The following NEXMIF variants were observed in gnomAD, a reference collection of about 807,000 sequenced individuals.
NEXMIF encodes XLMR protein related to neurite extension.
Under a neutral mutation model 62.1 loss-of-function variants are expected in NEXMIF, and 8 were observed. The ratio of observed to expected loss-of-function variants is 0.13; its 90% CI spans 0.08 to 0.23. The LOEUF (loss-of-function observed/expected upper bound fraction) is 0.23. NEXMIF is among the 10% of genes least tolerant of loss of function. NEXMIF has a pLI of 1.00. For missense variants in NEXMIF, 976 were observed against 1,113.3 expected (o/e 0.88, Z 1.75); for synonymous variants, 404 against 416.6 (o/e 0.97, Z 0.37).
chrX:74,788,543 G>T (rs2080267638), intron 1 of NEXMIF, among the ~76,000 whole-genome samples: 1 of 111,180 alleles, frequency 9.0e-6, no homozygotes, highest in Non-Finnish European at 1.9e-5. Flanking sequence ...TTAGAACCCA[G>T]GAATCAAGGT....
chrX:74,920,034 G>A (rs1295190692), intron 1 of NEXMIF, among the ~76,000 whole-genome samples: 12 of 111,749 alleles, frequency 1.1e-4, no homozygotes, highest in Non-Finnish European at 2.1e-4. Context: ...ATTGTTGGAC[G>A]TTTGGGTTGG....
chrX:74,764,999 A>G (rs189094258), intron 1 of NEXMIF, among the ~76,000 whole-genome samples: 2 of 111,494 alleles, frequency 1.8e-5, no homozygotes, highest in Admixed American at 1.9e-4. Flanking sequence ...TGCCTTGATG[A>G]TCTGTCTAAT....
intron 1 of NEXMIF, among the ~76,000 whole-genome samples, chrX:74,764,721 T>A (rs2080189455): frequency 8.9e-6 from 1 of 112,024 alleles, no homozygotes; most frequent in Non-Finnish European, 1.9e-5. Context: ...TCCATGCTAT[T>A]GCACTGTTTT....
At chrX:74,853,792 C>T in intron 1 of NEXMIF, among the ~76,000 whole-genome samples, 1 of 111,160 alleles carries the variant, frequency 9.0e-6, no homozygotes, top group Non-Finnish European at 1.9e-5. Context: ...TCATCAGAGC[C>T]TATTAAGAAC....
At chrX:74,747,243 G>A (rs1375344457) in intron 1 of NEXMIF, among the ~76,000 whole-genome samples, 1 of 111,529 alleles carries the variant, frequency 9.0e-6, no homozygotes, top group Non-Finnish European at 1.9e-5. Flanking sequence ...ATAATTTAAT[G>A]TCTTCTTATC....
At chrX:74,923,396 G>A (rs2080833380) in intron 1 of NEXMIF, among the ~76,000 whole-genome samples, 1 of 112,246 alleles carries the variant, frequency 8.9e-6, no homozygotes, top group Admixed American at 9.4e-5. Context: ...TATTTCACTG[G>A]GATAGAGTTT....
intron 1 of NEXMIF, among the ~76,000 whole-genome samples, chrX:74,886,974 A>G (rs926046385): frequency 9.0e-6 from 1 of 111,390 alleles, no homozygotes; most frequent in African/African-American, 3.3e-5. Context: ...GGAACAGAAC[A>G]GAGCCCTCAG....
intron 1 of NEXMIF, among the ~76,000 whole-genome samples, chrX:74,864,716 T>A (rs1259528926): frequency 9.0e-6 from 1 of 111,076 alleles, no homozygotes; most frequent in Non-Finnish European, 1.9e-5. Flanking sequence ...TATTTCTTTT[T>A]TTTTTTTCTG....
At chrX:74,806,834 T>C (rs771670408) in intron 1 of NEXMIF, among the ~76,000 whole-genome samples, 18 of 112,958 alleles carry the variant, frequency 1.6e-4, no homozygotes, top group Non-Finnish European at 2.6e-4. Context: ...ATCTTTTCCT[T>C]ATTGCATTGC....
chrX:74,804,247 A>T lies in NEXMIF; in HGVS notation c.-47-58550T>A, dbSNP rs534448805. Among the ~76,000 whole-genome samples, 151 of 112,509 alleles carry T rather than the reference A, an allele frequency of 1.3e-3. 1 individual carries two copies. The highest frequency in any genetic ancestry group is 9.2e-3 in the Middle Eastern group (2 of 217). ...GTTAACTTGTTATCAGCTTAAAATA[A>T]TGGGTTAAAAGATAGTATTTGCAAG... On this transcript the variant is annotated intron_variant, in intron 1 of 3. Transcript: ENST00000055682.
intron 1 of NEXMIF, among the ~76,000 whole-genome samples, chrX:74,782,703 G>A (rs976752905): frequency 8.9e-6 from 1 of 111,793 alleles, no homozygotes; most frequent in Non-Finnish European, 1.9e-5. Context: ...AATACCCTTC[G>A]CTCTGCATTT....
intron 1 of NEXMIF, among the ~76,000 whole-genome samples, chrX:74,923,229 C>T (rs2080832948): frequency 8.9e-6 from 1 of 111,884 alleles, no homozygotes; most frequent in South Asian, 3.8e-4. Context: ...AATACCACCA[C>T]CACACAGTAA....
chrX:74,915,137 C>G (rs1022730440), intron 1 of NEXMIF, among the ~76,000 whole-genome samples: 7 of 111,593 alleles, frequency 6.3e-5, no homozygotes, highest in African/African-American at 2.3e-4. Context: ...GGTGGATACA[C>G]AAATATACAT....
At chrX:74,864,119 A>T (rs977197936) in intron 1 of NEXMIF, among the ~76,000 whole-genome samples, 3 of 112,233 alleles carry the variant, frequency 2.7e-5, no homozygotes, top group African/African-American at 9.7e-5. Flanking sequence ...ACATCAATAT[A>T]ATAAGAGCAA....
At chrX:74,903,929 G>T (rs1252179608) in intron 1 of NEXMIF, among the ~76,000 whole-genome samples, 1 of 108,716 alleles carries the variant, frequency 9.2e-6, no homozygotes, top group African/African-American at 3.4e-5. Context: ...GTGAAGTGGT[G>T]TGGCTTTGTT....
In NEXMIF at chrX:74,877,811, G is replaced by A. The variant is rs186453433; in HGVS notation, c.-48+47072C>T. ...CTCCTGAGGCTTCTGCATTCTTCACGTAGTTCTCGAGCCTTGGTTTTCAGC... is the reference window on the plus strand; with the variant it reads ...CTCCTGAGGCTTCTGCATTCTTCACATAGTTCTCGAGCCTTGGTTTTCAGC... On this transcript the variant is annotated intron_variant, in intron 1 of 3. Coordinates refer to ENST00000055682, the MANE Select transcript of NEXMIF (RefSeq NM_001008537.3). 6.8e-3 allele frequency among the ~76,000 whole-genome samples: 755 copies of A among 111,649 alleles called. 11 individuals are homozygous for A. Among genetic ancestry groups the A allele is most frequent in the African/African-American group, 0.023 (712 of 30,733 alleles).
chrX:74,888,187 C>G (rs550164004), intron 1 of NEXMIF, among the ~76,000 whole-genome samples: 18 of 107,544 alleles, frequency 1.7e-4, no homozygotes, highest in Non-Finnish European at 1.3e-4. Flanking sequence ...ATACCTAATG[C>G]TAAATGAGGA....
intron 1 of NEXMIF, among the ~76,000 whole-genome samples, chrX:74,790,517 T>G (rs2080277384): frequency 9.0e-6 from 1 of 111,021 alleles, no homozygotes; most frequent in Non-Finnish European, 1.9e-5. Flanking sequence ...GTGAAGAAAG[T>G]CATTGGTAGC....
chrX:74,802,974 T>G (rs1402273527), intron 1 of NEXMIF, among the ~76,000 whole-genome samples: 2 of 109,931 alleles, frequency 1.8e-5, no homozygotes, highest in Non-Finnish European at 3.8e-5. Context: ...GAAGGAAGAA[T>G]TTGTGAGCTC....
Sources: gnomAD v4.1 joint callset for allele counts (sites outside exome capture counted in the v4.1 genomes callset) on GRCh38, gnomAD v4.1.1 for gene constraint, MANE v1.5 for transcripts, NCBI Gene and HGNC (gene_info 2026-07-23, HGNC 2026-07-21) for gene names.